The following AUTS2 variants were observed in gnomAD, a reference collection of about 807,000 sequenced individuals.
The protein encoded by AUTS2 is autism susceptibility gene 2 protein.
A neutral mutation model predicts 112.4 loss-of-function variants in AUTS2; 17 were observed. That is an observed-to-expected ratio of 0.15 (90% CI 0.10 to 0.23). The LOEUF is 0.23. Ranked by LOEUF, AUTS2 falls within the 10% of genes least tolerant of loss-of-function variation. The probability of loss-of-function intolerance (pLI) is 1.00; values close to 1 mark genes in which losing one functional copy is unlikely to be tolerated. For missense variants in AUTS2, 1,510 were observed against 1,701.6 expected (o/e 0.89, Z 1.98); for synonymous variants, 751 against 702.7 (o/e 1.07, Z -1.09).
intron 5 of AUTS2, among the ~76,000 whole-genome samples, chr7:70,655,821 C>A (rs1199597995): frequency 6.6e-6 from 1 of 152,176 alleles, no homozygotes; most frequent in East Asian, 1.9e-4. Context: ...CCCAGCTGAA[C>A]CCCCTAGACA....
intron 2 of AUTS2, among the ~76,000 whole-genome samples, chr7:70,085,287 T>C (rs939403583): frequency 6.6e-6 from 1 of 152,230 alleles, no homozygotes; most frequent in Admixed American, 6.5e-5. Context: ...GTTTTAACTT[T>C]TACATTTATG....
intron 1 of AUTS2, among the ~76,000 whole-genome samples, chr7:69,737,472 C>T (rs1231850179): frequency 6.6e-6 from 1 of 152,050 alleles, no homozygotes; most frequent in Non-Finnish European, 1.5e-5. Context: ...GAAGCAAGTC[C>T]CTGCTTGGGC....
At chr7:69,612,047 A>C (rs185473909) in intron 1 of AUTS2, among the ~76,000 whole-genome samples, 14 of 152,280 alleles carry the variant, frequency 9.2e-5, no homozygotes, top group Non-Finnish European at 1.8e-4. Context: ...CTATATTTCA[A>C]AACTAGAATT....
chr7:70,255,220 T>C (rs571593608), intron 4 of AUTS2, among the ~76,000 whole-genome samples: 11 of 151,878 alleles, frequency 7.2e-5, no homozygotes, highest in Non-Finnish European at 1.6e-4. Context: ...ATTACAGGGA[T>C]GTGCCACCAC....
chr7:70,165,415 AT>A (rs774889459), intron 4 of AUTS2, among the ~76,000 whole-genome samples: 32 of 152,234 alleles, frequency 2.1e-4, no homozygotes, highest in Non-Finnish European at 3.7e-4. Context: ...AGAGAAAAAA[AT>A]AAATATTCAT....
chr7:69,638,506 G>C (rs1794654115), intron 1 of AUTS2, among the ~76,000 whole-genome samples: 1 of 152,146 alleles, frequency 6.6e-6, no homozygotes, highest in Admixed American at 6.5e-5. Context: ...AAAATCAATA[G>C]TAAAATTTTA....
At chr7:70,621,883 G>A (rs1376312109) in intron 5 of AUTS2, among the ~76,000 whole-genome samples, 1 of 111,168 alleles carries the variant, frequency 9.0e-6, no homozygotes, top group Non-Finnish European at 1.6e-5. Context: ...TGGAGTCTCT[G>A]TCGCCCAAGC....
rs368375549 is a variant in AUTS2 at position 70,747,397 on chromosome 7, C to A, written c.743-15473C>A. Among the ~76,000 whole-genome samples the A allele has an allele frequency of 2.7e-4, 41 of 152,294 alleles. 1 individual carries two copies. In the South Asian group the frequency reaches 7.9e-3, roughly 29 times the overall value. On this transcript the variant is annotated intron_variant, in intron 6 of 18. Transcript: ENST00000342771. ...GGACAGGTAAAACTTCCCACTGTCT[C>A]TTTCTAGAGGCTACTTTGTAGCATT...
chr7:70,381,602 A>G (rs1052534752), intron 4 of AUTS2, among the ~76,000 whole-genome samples: 1 of 152,252 alleles, frequency 6.6e-6, no homozygotes, highest in East Asian at 1.9e-4. Context: ...GATTCTTAAT[A>G]TTGTGGACCT....
At chr7:70,056,581 T>C (rs1226296670) in intron 2 of AUTS2, among the ~76,000 whole-genome samples, 1 of 152,204 alleles carries the variant, frequency 6.6e-6, no homozygotes, top group African/African-American at 2.4e-5. Flanking sequence ...TTTAGAAGAA[T>C]GTTAGTGCAG....
In AUTS2 at chr7:70,766,808, C is replaced by T. The variant is rs949530663; in HGVS notation, c.1689+474C>T. Among the ~76,000 whole-genome samples, 3 of 152,172 alleles carry T rather than the reference C, an allele frequency of 2.0e-5. No individual in the cohort carries two copies. The highest frequency in any genetic ancestry group is 2.1e-4 in the South Asian group (1 of 4,820). ...TGCATTGGGTGCCACCTGTGCATTC[C>T]GATGGCTTCCCTAAACCCACTTTGT... On this transcript the variant is annotated intron_variant, in intron 9 of 18. Transcript: ENST00000342771. The surrounding 1 kb of genome is among the most constrained non-coding windows in gnomAD (Gnocchi z 4.8).
At chr7:70,157,337 G>C (rs978366088) in intron 4 of AUTS2, among the ~76,000 whole-genome samples, 1 of 152,002 alleles carries the variant, frequency 6.6e-6, no homozygotes, top group Non-Finnish European at 1.5e-5. Context: ...GGAATGCAGT[G>C]GTGTAATCTT....
chr7:69,962,332 A>G (rs939886566), intron 2 of AUTS2, among the ~76,000 whole-genome samples: 2 of 152,092 alleles, frequency 1.3e-5, no homozygotes, highest in Non-Finnish European at 2.9e-5. Context: ...AGGAGCAGAG[A>G]AGAGGTCAGA....
In AUTS2 at chr7:70,736,255, T is replaced by C. The variant is rs138882715; in HGVS notation, c.743-26615T>C. 4.9e-3 allele frequency among the ~76,000 whole-genome samples: 736 copies of C among 151,738 alleles called. 4 individuals are homozygous for C. The highest frequency in any genetic ancestry group is 7.5e-3 in the Non-Finnish European group (507 of 67,916). On this transcript the variant is annotated intron_variant, in intron 6 of 18. Transcript: ENST00000342771. Reference sequence around the variant, plus strand: ...GAATAAATTCAATTGAACTGAAGAGTTAAATATGTATTACAAAAAAAAAAG... The same window carrying C: ...GAATAAATTCAATTGAACTGAAGAGCTAAATATGTATTACAAAAAAAAAAG...
rs371569344 is a variant in AUTS2 at position 70,651,539 on chromosome 7, A to G, written c.691-47030A>G. On this transcript the variant is annotated intron_variant, in intron 5 of 18. Coordinates refer to ENST00000342771, the MANE Select transcript of AUTS2 (RefSeq NM_015570.4). Reference sequence around the variant, plus strand: ...CTCAAAACACTTACATTAGCCTACCATCGGGCAGAATCAACTAACATAAGC... The same window carrying G: ...CTCAAAACACTTACATTAGCCTACCGTCGGGCAGAATCAACTAACATAAGC... Among the ~76,000 whole-genome samples the G allele has an allele frequency of 1.1e-4, 17 of 152,300 alleles. No homozygotes were observed. The East Asian group carries it at 2.3e-3, about 21-fold the overall frequency.
chr7:70,312,374 C>T lies in AUTS2; in HGVS notation c.661-123378C>T, dbSNP rs142222059. Among the ~76,000 whole-genome samples the T allele has an allele frequency of 5.4e-3, 817 of 152,228 alleles. 4 individuals carry two copies. The highest frequency in any genetic ancestry group is 6.0e-3 in the Non-Finnish European group (405 of 68,004). ...AATAAAGATATAAAGTCTATCTTCT[C>T]CCTCTTGTCAGTTTAAGTAAAAAGA... On this transcript the variant is annotated intron_variant, in intron 4 of 18. Coordinates refer to ENST00000342771, the MANE Select transcript of AUTS2 (RefSeq NM_015570.4).
chr7:70,166,479 T>C (rs1808387861), intron 4 of AUTS2, among the ~76,000 whole-genome samples: 2 of 152,158 alleles, frequency 1.3e-5, no homozygotes, highest in Admixed American at 6.6e-5. Flanking sequence ...AAATATACTG[T>C]TGTAAGGTTT....
intron 6 of AUTS2, among the ~76,000 whole-genome samples, chr7:70,740,683 A>G (rs1244581386): frequency 1.3e-5 from 2 of 152,098 alleles, no homozygotes; most frequent in Non-Finnish European, 2.9e-5. Flanking sequence ...ACTTATTTGA[A>G]TATATACATT....
intron 5 of AUTS2, among the ~76,000 whole-genome samples, chr7:70,590,432 G>T (rs1251002609): frequency 3.3e-5 from 5 of 152,090 alleles, no homozygotes; most frequent in Non-Finnish European, 7.4e-5. Context: ...GAGGTTGTTA[G>T]AACTTTTGGG....
Sources: gnomAD v4.1 joint callset for allele counts (sites outside exome capture counted in the v4.1 genomes callset) on GRCh38, gnomAD v4.1.1 for gene constraint, Gnocchi (gnomAD v3.1) non-coding constraint, MANE v1.5 for transcripts, NCBI Gene and HGNC (gene_info 2026-07-23, HGNC 2026-07-21) for gene names.